PTPRJ: variants seen among roughly 807,000 people sequenced by gnomAD.
PTPRJ encodes receptor-type tyrosine-protein phosphatase eta.
A neutral mutation model predicts 141.3 loss-of-function variants in PTPRJ; 129 were observed. That is an observed-to-expected ratio of 0.91 (90% CI 0.79 to 1.06). The LOEUF is 1.06. Among genes scored for constraint, PTPRJ ranks in the 50% least tolerant of loss-of-function variants. PTPRJ has a pLI of 0.00. For missense variants in PTPRJ, 1,601 were observed against 1,679.7 expected (o/e 0.95, Z 0.82); for synonymous variants, 610 against 640.5 (o/e 0.95, Z 0.72).
At chr11:48,166,532 T>A (rs1454895570) in intron 24 of PTPRJ, among the ~76,000 whole-genome samples, 1 of 151,978 alleles carries the variant, frequency 6.6e-6, no homozygotes, top group Non-Finnish European at 1.5e-5. Flanking sequence ...CAGGCTGATC[T>A]CGCACTCCTA....
At chr11:48,043,459 A>G (rs965295027) in intron 1 of PTPRJ, among the ~76,000 whole-genome samples, 1 of 152,124 alleles carries the variant, frequency 6.6e-6, no homozygotes, top group African/African-American at 2.4e-5. Flanking sequence ...AAGACCAGCA[A>G]CCTCTTGGCT....
At chr11:48,053,644 T>C (rs1854668052) in intron 1 of PTPRJ, among the ~76,000 whole-genome samples, 1 of 147,762 alleles carries the variant, frequency 6.8e-6, no homozygotes, top group South Asian at 2.1e-4. Flanking sequence ...TGGTGTGATC[T>C]TGGCTCATTG....
In PTPRJ at chr11:48,110,058, A is replaced by C. The variant is rs779799875; in HGVS notation, c.97A>C (p.Ile33Leu). 2.5e-6 allele frequency: 4 copies of C among 1,613,948 alleles called. No homozygotes were observed. The East Asian group carries it at 6.7e-5, about 27-fold the overall frequency. ...CTTCCGTTTTCTTTTTCTGTTTCAG[A>C]TCCTGTGCGCAGGTGGCAGTGAGTA... is the stretch of plus-strand genomic sequence containing the variant. The part of the protein sequence containing the change: ...LLLLLLRLGQ[I>L]LCAGGTPSPI... Residue 33 changes from isoleucine (I) to leucine (L), a missense_variant and splice_region_variant, in exon 2 of 25, where the codon ATC (isoleucine) becomes CTC (leucine). By Grantham distance (5) the Ile-to-Leu change is conservative. Transcript: ENST00000418331.
Position 48,127,788 on chromosome 11 carries a change from CA to C in PTPRJ, c.1103del (p.Gln368ArgfsTer8). 1.2e-6 allele frequency: 2 copies of C among 1,614,072 alleles called. No individual in the cohort carries two copies. The highest frequency in any genetic ancestry group is 1.7e-6 in the Non-Finnish European group (2 of 1,179,946). On this transcript the variant is annotated frameshift_variant, in exon 7 of 25. Transcript: ENST00000418331. LOFTEE classifies it high-confidence loss of function. ...QAIEFRTNAIQVFDVTAVNIS... is the reference protein window; with the variant it reads ...QAIEFRTNAIXVFDVTAVNIS... ...CTCTTGTGTTCTCACAGATGCTATTCAGGTTTTTGACGTCACCGCTGTGAAC... is the reference window on the plus strand; with the variant it reads ...CTCTTGTGTTCTCACAGATGCTATTCGGTTTTTGACGTCACCGCTGTGAAC...
At chr11:48,049,049 A>G (rs573671410) in intron 1 of PTPRJ, among the ~76,000 whole-genome samples, 4 of 152,082 alleles carry the variant, frequency 2.6e-5, no homozygotes, top group Non-Finnish European at 5.9e-5. Flanking sequence ...GGTGGTTCTA[A>G]AGCTCCCTTA....
chr11:47,994,935 G>A (rs368910627), intron 1 of PTPRJ, among the ~76,000 whole-genome samples: 3 of 152,122 alleles, frequency 2.0e-5, no homozygotes, highest in Admixed American at 6.6e-5. Context: ...GGGTGTGAGA[G>A]CGCTCCTTGC....
At chr11:48,056,550 G>A (rs969999415) in intron 1 of PTPRJ, among the ~76,000 whole-genome samples, 1 of 152,222 alleles carries the variant, frequency 6.6e-6, no homozygotes, top group African/African-American at 2.4e-5. Flanking sequence ...GTTTCACTGA[G>A]TGCTTACTAC....
At chr11:48,139,272 A>G (rs1857175912) in intron 10 of PTPRJ, among the ~76,000 whole-genome samples, 1 of 151,844 alleles carries the variant, frequency 6.6e-6, no homozygotes, top group African/African-American at 2.4e-5. Flanking sequence ...TGTTCAATTT[A>G]CTCTTCAAAG....
chr11:48,129,609 C>T (rs1056132761), intron 7 of PTPRJ, among the ~76,000 whole-genome samples: 6 of 152,116 alleles, frequency 3.9e-5, no homozygotes, highest in African/African-American at 1.4e-4. Flanking sequence ...GGCTTTAGGC[C>T]TCGCCCCAAG....
At chr11:48,109,759 T>A (rs1856391733) in intron 1 of PTPRJ, among the ~76,000 whole-genome samples, 1 of 149,302 alleles carries the variant, frequency 6.7e-6, no homozygotes, top group Non-Finnish European at 1.5e-5. Context: ...ACCTGGGGAG[T>A]TGCTCCGGGG....
intron 3 of PTPRJ, among the ~76,000 whole-genome samples, chr11:48,118,686 A>C (rs144133710): frequency 6.6e-6 from 1 of 152,246 alleles, no homozygotes. Flanking sequence ...TATTAACAGA[A>C]TGGAGGACAG....
At chr11:48,126,807 CACACACACACACAGAT>C (rs1440071157) in intron 6 of PTPRJ, among the ~76,000 whole-genome samples, 8 of 125,260 alleles carry the variant, frequency 6.4e-5, no homozygotes, top group African/African-American at 2.5e-4. Flanking sequence ...CACACACACA[CACACACACACACAGAT>C]AAACACACAT....
In PTPRJ at chr11:48,128,895, C is replaced by T. The variant is rs570416078; in HGVS notation, c.1357+852C>T. 3.9e-5 allele frequency among the ~76,000 whole-genome samples: 6 copies of T among 152,220 alleles called. No individual in the cohort carries two copies. In the South Asian group the frequency reaches 1.2e-3, roughly 32 times the overall value. ...AGCATTCTTATAGATGTATTTTGGACTGGATCTTTGGGAAAATGAAATATG... is the reference window on the plus strand; with the variant it reads ...AGCATTCTTATAGATGTATTTTGGATTGGATCTTTGGGAAAATGAAATATG... On this transcript the variant is annotated intron_variant, in intron 7 of 24. Transcript: ENST00000418331.
intron 3 of PTPRJ, among the ~76,000 whole-genome samples, chr11:48,117,540 CAAAAAAAAAAAAAAA>C (rs71045545): frequency 4.1e-4 from 8 of 19,688 alleles, no homozygotes; most frequent in East Asian, 2.1e-3. Flanking sequence ...GATTCTGTCT[CAAAAAAAAAAAAAAA>C]AAAAAAAAAA....
chr11:48,004,047 C>T (rs1854564589), intron 1 of PTPRJ, among the ~76,000 whole-genome samples: 1 of 152,122 alleles, frequency 6.6e-6, no homozygotes. Context: ...CCAGCTGAGC[C>T]TAGTTGTATG....
chr11:48,150,717 A>T (rs4752910), intron 18 of PTPRJ, among the ~76,000 whole-genome samples: 1 of 152,176 alleles, frequency 6.6e-6, no homozygotes, highest in Non-Finnish European at 1.5e-5. Flanking sequence ...TGCACAAGGA[A>T]TTTCTTGGCC....
chr11:48,137,218 A>C lies in PTPRJ; in HGVS notation c.2089A>C (p.Ile697Leu). Residue 697 changes from isoleucine to leucine, a missense_variant, in exon 10 of 25, where the codon ATC (isoleucine) becomes CTC (leucine). Coordinates refer to ENST00000418331, the MANE Select transcript of PTPRJ (RefSeq NM_002843.4). ...ACCTGGCTCATCATACACAGTGGAGATCTTTGCACAAGTAGGGGATGGGAT... is the reference window on the plus strand; with the variant it reads ...ACCTGGCTCATCATACACAGTGGAGCTCTTTGCACAAGTAGGGGATGGGAT... The part of the protein sequence containing the change: ...LIPGSSYTVE[I>L]FAQVGDGIKS... 1 of 1,614,118 alleles carries C rather than the reference A, an allele frequency of 6.2e-7. No individual in the cohort carries two copies. The highest frequency in any genetic ancestry group is 1.1e-5 in the South Asian group (1 of 91,086).
chr11:48,127,800 G>A lies in PTPRJ; in HGVS notation c.1114G>A (p.Val372Ile), dbSNP rs2229703. ...CACAGATGCTATTCAGGTTTTTGAC[G>A]TCACCGCTGTGAACATCAGTGCCAC... ...FRTNAIQVFD[V>I]TAVNISATSL... is the part of the protein sequence containing the mutation. The change falls in exon 7 of 25, where the codon GTC becomes ATC. Residue 372 changes from valine (V) to isoleucine (I), a missense_variant. Val to Ile is a conservative substitution (Grantham distance 29, BLOSUM62 3). Transcript: ENST00000418331. The A allele has an allele frequency of 4.8e-3, 7,747 of 1,614,008 alleles. 315 individuals are homozygous for A. The African/African-American group carries it at 0.09, about 19-fold the overall frequency.
intron 3 of PTPRJ, among the ~76,000 whole-genome samples, chr11:48,115,849 C>A (rs1856552451): frequency 6.6e-6 from 1 of 152,112 alleles, no homozygotes; most frequent in Non-Finnish European, 1.5e-5. Flanking sequence ...AAGTTGTCAT[C>A]AGCATAAAAT....
Sources: gnomAD v4.1 joint callset for allele counts (sites outside exome capture counted in the v4.1 genomes callset) on GRCh38, gnomAD v4.1.1 for gene constraint, MANE v1.5 for transcripts, NCBI Gene and HGNC (gene_info 2026-07-23, HGNC 2026-07-21) for gene names.